The following YWHAZ variants were observed in gnomAD, a reference collection of about 807,000 sequenced individuals.
The protein encoded by YWHAZ is 14-3-3 protein zeta/delta.
For synonymous variants in YWHAZ, 87 were observed against 103.6 expected (o/e 0.84, Z 0.97); for missense variants, 79 against 284.8 (o/e 0.28, Z 5.20).
chr8:100,944,021 A>G (rs2130320064), intron 2 of YWHAZ, among the ~76,000 whole-genome samples: 1 of 152,120 alleles, frequency 6.6e-6, no homozygotes, highest in African/African-American at 2.4e-5. Context: ...AAGAAAAAAA[A>G]GACACTGTCC....
intron 5 of YWHAZ, 108 bp from the exon 6 acceptor site, chr8:100,920,860 T>C (rs1258054845): frequency 1.1e-6 from 1 of 905,382 alleles, no homozygotes; most frequent in Non-Finnish European, 1.8e-6. Context: ...GAAAGCATTC[T>C]TAAAAAGATA....
rs1334225191 is a variant in YWHAZ at position 100,948,268 on chromosome 8, C to G, written c.294+328G>C. 5.0e-6 allele frequency: 4 copies of G among 801,870 alleles called. No homozygotes were observed. The highest frequency in any genetic ancestry group is 3.4e-5 in the Admixed American group (1 of 29,396). 49.7% of individuals were successfully genotyped at this position (801,870 alleles called of 1,614,324 possible). On this transcript the variant is annotated intron_variant, in intron 2 of 5. Transcript: ENST00000395958. This position sits in a 1 kb window ranked among gnomAD's most constrained non-coding sequence, Gnocchi z 4.2. ...ATCCACAGATGTACATTTAAGATAA[C>G]CAGCTATAGAGCTACTACAAATATT...
chr8:100,928,657 C>T lies in YWHAZ; in HGVS notation c.295-3618G>A, dbSNP rs979490928. 4.6e-5 allele frequency among the ~76,000 whole-genome samples: 7 copies of T among 151,646 alleles called. No homozygotes were observed. The South Asian group carries it at 1.2e-3, about 27-fold the overall frequency. On this transcript the variant is annotated intron_variant, in intron 2 of 5. Coordinates refer to ENST00000395958, the MANE Select transcript of YWHAZ (RefSeq NM_145690.3). ...CTGAGGCAGGAGAATCACTTGAACC[C>T]GGGAGGCAGAGGTTGCAGTGAGCTG...
At chr8:100,953,269 C>T, upstream of YWHAZ, 1 of 985,514 alleles carries the variant, frequency 1.0e-6, no homozygotes, top group Non-Finnish European at 1.2e-6. Flanking sequence ...CGATCATTAC[C>T]TTTTTATCTC....
chr8:100,932,450 A>G (rs1253833938), intron 2 of YWHAZ, among the ~76,000 whole-genome samples: 1 of 152,214 alleles, frequency 6.6e-6, no homozygotes, highest in Non-Finnish European at 1.5e-5. Context: ...AAAAAACCCT[A>G]AACGGTAACA....
intron 1 of YWHAZ, chr8:100,951,418 AG>A: frequency 1.7e-5 from 17 of 979,128 alleles, no homozygotes; most frequent in Non-Finnish European, 2.1e-5. Flanking sequence ...GAGGGAAAGG[AG>A]GGGGCGGCCG....
rs1304111227 is a variant in YWHAZ at position 100,940,811 on chromosome 8, AC to A, written c.294+7784del. Among the ~76,000 whole-genome samples, 14 of 152,388 alleles carry A rather than the reference AC, an allele frequency of 9.2e-5. No homozygotes were observed. In the Middle Eastern group the frequency reaches 0.01, roughly 111 times the overall value. On this transcript the variant is annotated intron_variant, in intron 2 of 5. Transcript: ENST00000395958. ...TGCAGTAAAACTTGCCCCAAATCAC[AC>A]AATGAATCAAAAATTCAAAAAGACT...
intron 2 of YWHAZ, among the ~76,000 whole-genome samples, chr8:100,946,277 T>G (rs1586154771): frequency 6.6e-6 from 1 of 152,132 alleles, no homozygotes; most frequent in Non-Finnish European, 1.5e-5. Context: ...GGTGGCTCAC[T>G]CCTGTAATCC....
At chr8:100,932,312 C>G (rs1554614687) in intron 2 of YWHAZ, among the ~76,000 whole-genome samples, 1 of 152,116 alleles carries the variant, frequency 6.6e-6, no homozygotes, top group Non-Finnish European at 1.5e-5. Flanking sequence ...ACTCACCCAC[C>G]CAAAAACCAC....
chr8:100,924,277 T>A lies in YWHAZ; in HGVS notation c.440A>T (p.Gln147Leu), dbSNP rs1317076559. 2.5e-6 allele frequency: 4 copies of A among 1,613,418 alleles called. No individual in the cohort carries two copies. The highest frequency in any genetic ancestry group is 3.4e-6 in the Non-Finnish European group (4 of 1,179,912). ...DKKGIVDQSQ[Q>L]AYQEAFEISK... The stretch of plus-strand genomic sequence containing the variant: ...GATTTCAAAAGCTTCTTGGTATGCT[T>A]GTTGTGACTGATCGACAATCCCTGG... Residue 147 changes from glutamine to leucine, a missense_variant, in exon 4 of 6, where the codon CAA becomes CTA. By Grantham distance (113) the Gln-to-Leu change is moderately radical. Coordinates refer to ENST00000395958, the MANE Select transcript of YWHAZ (RefSeq NM_145690.3). The surrounding 1 kb of genome is among the most constrained non-coding windows in gnomAD (Gnocchi z 5.7).
intron 2 of YWHAZ, among the ~76,000 whole-genome samples, chr8:100,942,612 A>G (rs1809956207): frequency 6.6e-6 from 1 of 152,252 alleles, no homozygotes; most frequent in Non-Finnish European, 1.5e-5. Flanking sequence ...GCTGAAAGAC[A>G]GATAATCAAG....
At chr8:100,929,542 C>G (rs868807945) in intron 2 of YWHAZ, among the ~76,000 whole-genome samples, 1 of 152,182 alleles carries the variant, frequency 6.6e-6, no homozygotes, top group Non-Finnish European at 1.5e-5. Flanking sequence ...CACTGCAATT[C>G]TTCTAGCTAC....
intron 2 of YWHAZ, among the ~76,000 whole-genome samples, chr8:100,927,559 C>A (rs1193112886): frequency 6.6e-6 from 1 of 152,168 alleles, no homozygotes; most frequent in Non-Finnish European, 1.5e-5. Context: ...ACGTCTTTCA[C>A]TTTTCGGTAA....
chr8:100,951,495 A>G (rs919184309), intron 1 of YWHAZ: 1 of 985,586 alleles, frequency 1.0e-6, no homozygotes, highest in African/African-American at 1.7e-5. Flanking sequence ...CCGCCGAGTC[A>G]TTATCTCGGG....
rs1431580474 is a variant in YWHAZ at position 100,919,584 on chromosome 8, A to G, written c.*1109T>C. The G allele has an allele frequency of 2.0e-5, 3 of 152,436 alleles. No individual in the cohort carries two copies. Among genetic ancestry groups the G allele is most frequent in the Non-Finnish European group, 4.4e-5 (3 of 68,048 alleles). 9.4% of individuals were successfully genotyped at this position (152,436 alleles called of 1,614,324 possible). A position where few individuals can be genotyped will look rare whatever the true frequency, so the allele number is the denominator to read the frequency against. On this transcript the variant is annotated 3_prime_UTR_variant, in exon 6 of 6. Transcript: ENST00000395958. The stretch of plus-strand genomic sequence containing the variant: ...TTGTGTTTAAACTTGGTAAGAGCCC[A>G]TTAGCTGCCAAGAGGGAATAAGGAA...
At position 100,918,739 on chromosome 8, in the gene YWHAZ, T is replaced by C. The variant is rs1266518107; in HGVS notation, c.*1954A>G. On this transcript the variant is annotated 3_prime_UTR_variant, in exon 6 of 6. Transcript: ENST00000395958. Reference sequence around the variant, plus strand: ...AAGACTCACTGCCTCCCATCATCAATATTTATTGAGCATTTACAGTGTACT... The same window carrying C: ...AAGACTCACTGCCTCCCATCATCAACATTTATTGAGCATTTACAGTGTACT... 1 of 152,516 alleles carries C rather than the reference T, an allele frequency of 6.6e-6. No homozygotes were observed. Among genetic ancestry groups the C allele is most frequent in the Non-Finnish European group, 1.5e-5 (1 of 68,022 alleles). 9.4% of individuals were successfully genotyped at this position (152,516 alleles called of 1,614,324 possible). A position where few individuals can be genotyped will look rare whatever the true frequency, so the allele number is the denominator to read the frequency against.
intron 2 of YWHAZ, among the ~76,000 whole-genome samples, chr8:100,938,755 C>T (rs921569341): frequency 6.6e-6 from 1 of 152,206 alleles, no homozygotes; most frequent in East Asian, 1.9e-4. Flanking sequence ...CTTACTCCCC[C>T]TTGTGGCCGG....
chr8:100,952,717 G>A, upstream of YWHAZ: 4 of 911,280 alleles, frequency 4.4e-6, no homozygotes, highest in Non-Finnish European at 5.3e-6. Context: ...GCGGGGGCAG[G>A]GCGCGGTCGC....
intron 2 of YWHAZ, among the ~76,000 whole-genome samples, chr8:100,943,821 C>T (rs1357845518): frequency 1.3e-5 from 2 of 152,018 alleles, no homozygotes; most frequent in African/African-American, 2.4e-5. Context: ...CCCATCTCTA[C>T]TAAAAATACA....
Sources: gnomAD v4.1 joint callset for allele counts (sites outside exome capture counted in the v4.1 genomes callset) on GRCh38, gnomAD v4.1.1 for gene constraint, Gnocchi (gnomAD v3.1) non-coding constraint, MANE v1.5 for transcripts, NCBI Gene and HGNC (gene_info 2026-07-23, HGNC 2026-07-21) for gene names.